Variants in DPP10 observed in about 807,000 individuals in gnomAD.
DPP10 encodes dipeptidyl peptidase like 10, also known as inactive dipeptidyl peptidase 10.
Under a neutral mutation model 120.9 loss-of-function variants are expected in DPP10, and 33 were observed. The observed-to-expected ratio is 0.27, with a 90% confidence interval of 0.21 to 0.37. The LOEUF (loss-of-function observed/expected upper bound fraction) is 0.37. Ranked by LOEUF, DPP10 falls within the 10% of genes least tolerant of loss-of-function variation. The pLI is 1.00. For synonymous variants in DPP10, 337 were observed against 326.1 expected (o/e 1.03, Z -0.36); for missense variants, 816 against 942.8 (o/e 0.87, Z 1.76).
intron 1 of DPP10, among the ~76,000 whole-genome samples, chr2:114,709,935 A>G (rs916745416): frequency 2.0e-5 from 3 of 152,256 alleles, no homozygotes; most frequent in African/African-American, 7.2e-5. Flanking sequence ...ATGCAGAGAA[A>G]GAAAGATATA....
rs1018357983 is a variant in DPP10, at chr2:114,971,944, G to A, written c.61-337295G>A. On this transcript the variant is annotated intron_variant, in intron 1 of 25. Transcript: ENST00000410059. ...CCCAGGACTCATCATGGATGGTGAC[G>A]AAAATCAAGCCTGAAAACTTGGATT... is the stretch of plus-strand genomic sequence containing the variant. 4.6e-5 allele frequency among the ~76,000 whole-genome samples: 7 copies of A among 152,274 alleles called. No individual in the cohort carries two copies. The East Asian group carries it at 9.6e-4, about 21-fold the overall frequency.
intron 5 of DPP10, among the ~76,000 whole-genome samples, chr2:115,617,936 GTCTC>G: frequency 6.6e-6 from 1 of 152,152 alleles, no homozygotes; most frequent in East Asian, 1.9e-4. Flanking sequence ...TGTCATTGTG[GTCTC>G]TCTCTCTAAT....
At chr2:115,135,455 T>A (rs1232577040) in intron 1 of DPP10, among the ~76,000 whole-genome samples, 1 of 152,144 alleles carries the variant, frequency 6.6e-6, no homozygotes, top group African/African-American at 2.4e-5. Flanking sequence ...AACCCAGTTT[T>A]ACATTCCATT....
chr2:114,532,925 G>A (rs1229513690), intron 1 of DPP10, among the ~76,000 whole-genome samples: 1 of 152,124 alleles, frequency 6.6e-6, no homozygotes, highest in African/African-American at 2.4e-5. Context: ...TGGACTCATC[G>A]TTCCCTACCT....
At chr2:115,483,309 A>T (rs2105285788) in intron 3 of DPP10, among the ~76,000 whole-genome samples, 1 of 152,270 alleles carries the variant, frequency 6.6e-6, no homozygotes, top group South Asian at 2.1e-4. Flanking sequence ...ACAAAAGTAA[A>T]TTACAGATAG....
At chr2:114,556,644 A>C (rs1380618298) in intron 1 of DPP10, among the ~76,000 whole-genome samples, 1 of 152,094 alleles carries the variant, frequency 6.6e-6, no homozygotes, top group Non-Finnish European at 1.5e-5. Flanking sequence ...ATGGCATTTA[A>C]GCTAGGGGGA....
At chr2:114,945,730 C>T (rs1311435740) in intron 1 of DPP10, among the ~76,000 whole-genome samples, 3 of 152,052 alleles carry the variant, frequency 2.0e-5, no homozygotes, top group Admixed American at 1.3e-4. Flanking sequence ...GTGGGAGAAT[C>T]GCTTGAACCC....
At chr2:115,568,901 A>G (rs966577010) in intron 5 of DPP10, among the ~76,000 whole-genome samples, 3 of 152,096 alleles carry the variant, frequency 2.0e-5, no homozygotes, top group African/African-American at 7.2e-5. Flanking sequence ...TCTCATTTCT[A>G]TTTTTGTGGC....
At chr2:115,810,794 C>A (rs1190401569) in intron 19 of DPP10, among the ~76,000 whole-genome samples, 1 of 152,084 alleles carries the variant, frequency 6.6e-6, no homozygotes, top group Non-Finnish European at 1.5e-5. Context: ...CTGTGAATCC[C>A]CAAAGATTTC....
intron 3 of DPP10, among the ~76,000 whole-genome samples, chr2:115,494,494 A>G (rs2076290273): frequency 6.6e-6 from 1 of 152,118 alleles, no homozygotes; most frequent in African/African-American, 2.4e-5. Context: ...AAATATGAGG[A>G]AAGTTTAACA....
intron 3 of DPP10, among the ~76,000 whole-genome samples, chr2:115,363,018 G>A (rs1234576424): frequency 6.6e-6 from 1 of 152,238 alleles, no homozygotes; most frequent in South Asian, 2.1e-4. Context: ...ATTCATTACT[G>A]GGTTCATGAC....
At chr2:115,432,189 A>G (rs530062198) in intron 3 of DPP10, among the ~76,000 whole-genome samples, 47 of 152,248 alleles carry the variant, frequency 3.1e-4, no homozygotes, top group African/African-American at 1.1e-3. Flanking sequence ...CTTAGAAAAC[A>G]TCAAGTCTGT....
At chr2:115,671,300 T>C (rs2089854627) in intron 5 of DPP10, among the ~76,000 whole-genome samples, 1 of 151,940 alleles carries the variant, frequency 6.6e-6, no homozygotes, top group Non-Finnish European at 1.5e-5. Context: ...ACCAAGATGA[T>C]ATTTTAATTT....
At chr2:115,286,526 A>ATATATATATATGTATATATATATATAT (rs10675008) in intron 1 of DPP10, among the ~76,000 whole-genome samples, 1 of 60,946 alleles carries the variant, frequency 1.6e-5, no homozygotes, top group Non-Finnish European at 3.3e-5. Context: ...ATATATATAT[A>ATATATATATATGTATATATATATATAT]ATATATATAT....
intron 5 of DPP10, among the ~76,000 whole-genome samples, chr2:115,630,765 G>A (rs1292990757): frequency 6.6e-6 from 1 of 152,098 alleles, no homozygotes; most frequent in Non-Finnish European, 1.5e-5. Context: ...ACTTGATCAT[G>A]GTGGATAAGC....
At chr2:115,765,612 A>T (rs980279415) in intron 12 of DPP10, among the ~76,000 whole-genome samples, 12 of 152,184 alleles carry the variant, frequency 7.9e-5, no homozygotes, top group South Asian at 2.1e-4. Context: ...AACTAGGGAA[A>T]TCTTGGAAAT....
At chr2:114,515,707 C>T (rs908720631) in intron 1 of DPP10, among the ~76,000 whole-genome samples, 5 of 151,600 alleles carry the variant, frequency 3.3e-5, no homozygotes, top group African/African-American at 9.8e-5. Flanking sequence ...AATGGCTCTC[C>T]TCTTCTTCTT....
chr2:114,873,769 T>C (rs1194180694), intron 1 of DPP10, among the ~76,000 whole-genome samples: 1 of 152,150 alleles, frequency 6.6e-6, no homozygotes, highest in East Asian at 1.9e-4. Flanking sequence ...CGTCTGTTCA[T>C]GCAGCTCTGT....
chr2:115,836,114 TGTGA>T (rs201315202), intron 21 of DPP10, 39 bp from the exon 22 acceptor site: 11 of 907,084 alleles, frequency 1.2e-5, no homozygotes, highest in Non-Finnish European at 1.5e-5. Flanking sequence ...TGTGTGTGTG[TGTGA>T]GATATATATA....
Sources: gnomAD v4.1 joint callset for allele counts (sites outside exome capture counted in the v4.1 genomes callset) on GRCh38, gnomAD v4.1.1 for gene constraint, MANE v1.5 for transcripts, NCBI Gene and HGNC (gene_info 2026-07-23, HGNC 2026-07-21) for gene names.